ARHGEF19: variants seen among roughly 807,000 people sequenced by gnomAD.
ARHGEF19 encodes the protein Rho guanine nucleotide exchange factor 19.
ARHGEF19 carries 92 observed loss-of-function variants against 87.6 expected under a neutral mutation model. That is an observed-to-expected ratio of 1.05 (90% CI 0.89 to 1.25). ARHGEF19 has a LOEUF of 1.25. ARHGEF19 is among the 50% of genes most tolerant of loss of function. The pLI, the probability that ARHGEF19 is intolerant of heterozygous loss-of-function variation, is 0.00. For missense variants in ARHGEF19, 1,054 were observed against 1,051.8 expected (o/e 1.00, Z -0.03); for synonymous variants, 438 against 446.2 (o/e 0.98, Z 0.23).
At position 16,206,277 on chromosome 1, in the gene ARHGEF19, G is replaced by C; in HGVS notation, c.1201C>G (p.His401Asp). ...YIHSLSVAVG[H>D]FLGSAELSEC... ...CTCAGCTCGGCAGAGCCTAAGAAGTGGCCCACAGCCACCGACAGGCTGTGG... is the reference window on the plus strand; with the variant it reads ...CTCAGCTCGGCAGAGCCTAAGAAGTCGCCCACAGCCACCGACAGGCTGTGG... Residue 401 changes from histidine to aspartate, a missense_variant, in exon 7 of 16, where the codon CAC (histidine) becomes GAC (aspartate). His to Asp is a moderately conservative substitution (Grantham distance 81). Transcript: ENST00000270747. This position sits in a 1 kb window ranked among gnomAD's most constrained non-coding sequence, Gnocchi z 4.6. The C allele has an allele frequency of 6.3e-7, 1 of 1,586,354 alleles. No homozygotes were observed. Among genetic ancestry groups the C allele is most frequent in the Non-Finnish European group, 8.6e-7 (1 of 1,166,820 alleles).
In ARHGEF19 at chr1:16,206,302, G is replaced by C; in HGVS notation, c.1176C>G (p.Ile392Met). The part of the protein sequence containing the change: ...FELITSEASY[I>M]HSLSVAVGHF... ...GGCCCACAGCCACCGACAGGCTGTG[G>C]ATGTAGGAGGCCTCGGAGGTGATCA... is the stretch of plus-strand genomic sequence containing the variant. Residue 392 changes from isoleucine to methionine, a missense_variant, in exon 7 of 16, where the codon ATC becomes ATG. Coordinates refer to ENST00000270747, the MANE Select transcript of ARHGEF19 (RefSeq NM_153213.5). This position sits in a 1 kb window ranked among gnomAD's most constrained non-coding sequence, Gnocchi z 4.6. 1 of 1,582,960 alleles carries C rather than the reference G, an allele frequency of 6.3e-7. No individual in the cohort carries two copies. The highest frequency in any genetic ancestry group is 2.3e-5 in the East Asian group (1 of 43,920).
Position 16,212,534 on chromosome 1 carries a change from C to G in ARHGEF19, c.-62G>C, listed in dbSNP as rs901624012. ...AGGGAGCTCCGTCCAGCTGCCAGCACGGTCCAGGGCTCCGGGACACCCTGG... is the reference window on the plus strand; with the variant it reads ...AGGGAGCTCCGTCCAGCTGCCAGCAGGGTCCAGGGCTCCGGGACACCCTGG... On this transcript the variant is annotated 5_prime_UTR_variant, in exon 1 of 16. Coordinates refer to ENST00000270747, the MANE Select transcript of ARHGEF19 (RefSeq NM_153213.5). 6.6e-6 allele frequency: 1 copy of G among 152,532 alleles called. No homozygotes were observed. The highest frequency in any genetic ancestry group is 2.1e-4 in the South Asian group (1 of 4,830). 9.4% of individuals were successfully genotyped at this position (152,532 alleles called of 1,614,324 possible).
chr1:16,208,027 C>T lies in ARHGEF19; in HGVS notation c.611G>A (p.Arg204Gln). 2 of 1,613,590 alleles carry T rather than the reference C, an allele frequency of 1.2e-6. No individual in the cohort carries two copies. The highest frequency in any genetic ancestry group is 1.7e-6 in the Non-Finnish European group (2 of 1,180,002). The change falls in exon 3 of 16, where the codon CGG becomes CAG. Residue 204 changes from arginine to glutamine, a missense_variant. Transcript: ENST00000270747. ...CCCCAGGCGCAGAGAAGAGTGCAGC[C>T]GGGTCATCAGCTCCGATGCCGAGAA... ...RRFSASELMT[R>Q]LHSSLRLGRN...
intron 1 of ARHGEF19, among the ~76,000 whole-genome samples, chr1:16,211,036 C>T (rs925032740): frequency 1.2e-4 from 18 of 152,286 alleles, no homozygotes; most frequent in Admixed American, 5.2e-4. Flanking sequence ...GTCCTCTCTA[C>T]GGTGGCCACT....
intron 1 of ARHGEF19, among the ~76,000 whole-genome samples, chr1:16,210,687 G>A (rs992418440): frequency 1.3e-5 from 2 of 152,332 alleles, no homozygotes; most frequent in Admixed American, 6.5e-5. Flanking sequence ...AATGAAAACA[G>A]TTACAATCCA....
chr1:16,208,927 G>C lies in ARHGEF19; in HGVS notation c.128C>G (p.Pro43Arg). 6.3e-7 allele frequency: 1 copy of C among 1,584,954 alleles called. No homozygotes were observed. The highest frequency in any genetic ancestry group is 8.6e-7 in the Non-Finnish European group (1 of 1,166,914). Residue 43 changes from proline (P) to arginine (R), a missense_variant, in exon 2 of 16, where the codon CCG (proline) becomes CGG (arginine). Coordinates refer to ENST00000270747, the MANE Select transcript of ARHGEF19 (RefSeq NM_153213.5). ...SFAELPALKP[P>R]SPVCLDLFPV... ...GAAAAGGTCCAGACACACTGGGCTC[G>C]GGGGCTTCAGGGCGGGCAGCTCTGC...
rs1557542184 is a variant in ARHGEF19, at chr1:16,207,735, C to A, written c.737G>T (p.Gly246Val). Residue 246 changes from glycine (G) to valine (V), a missense_variant, in exon 4 of 16, where the codon GGG becomes GTG. Gly to Val is a moderately radical substitution (Grantham distance 109). Coordinates refer to ENST00000270747, the MANE Select transcript of ARHGEF19 (RefSeq NM_153213.5). The surrounding 1 kb of genome is among the most constrained non-coding windows in gnomAD (Gnocchi z 4.0). ...AGGGGCTGGCCGCGACACCCGGTCCCCGCTCATCTCTACACTTCGAGCCTC... is the reference window on the plus strand; with the variant it reads ...AGGGGCTGGCCGCGACACCCGGTCCACGCTCATCTCTACACTTCGAGCCTC... ...GMEARSVEMSGDRVSRPAPGD... is the reference protein window; with the variant it reads ...GMEARSVEMSVDRVSRPAPGD... 6.2e-7 allele frequency: 1 copy of A among 1,614,070 alleles called. No individual in the cohort carries two copies. The highest frequency in any genetic ancestry group is 8.5e-7 in the Non-Finnish European group (1 of 1,180,028).
In ARHGEF19 at chr1:16,206,070, G is replaced by A. The variant is rs1319255339; in HGVS notation, c.1312C>T (p.Leu438=). 1 of 1,581,130 alleles carries A rather than the reference G, an allele frequency of 6.3e-7. No homozygotes were observed. Among genetic ancestry groups the A allele is most frequent in the Non-Finnish European group, 8.6e-7 (1 of 1,163,358 alleles). The change falls in exon 8 of 16, where the codon CTG becomes TTG. Residue 438 remains leucine, a synonymous_variant. Coordinates refer to ENST00000270747, the MANE Select transcript of ARHGEF19 (RefSeq NM_153213.5). The surrounding 1 kb of genome is among the most constrained non-coding windows in gnomAD (Gnocchi z 4.6). Reference sequence around the variant, plus strand: ...ACATCTGCCTCCAGCCGCTGCTCCAGGTCCTGCAGGAACCTGAGGAGTCAG... The same window carrying A: ...ACATCTGCCTCCAGCCGCTGCTCCAAGTCCTGCAGGAACCTGAGGAGTCAG... The part of the protein sequence containing the change: ...KSTSERFLQD[L]EQRLEADVLR...
Position 16,205,230 on chromosome 1 carries a change from C to T in ARHGEF19, c.1657-54G>A. On this transcript the variant is annotated intron_variant, in intron 10 of 15. Transcript: ENST00000270747. The surrounding 1 kb of genome is among the most constrained non-coding windows in gnomAD (Gnocchi z 5.8). ...AGCCCCTCAGCTCCGGCTCCCAGAG[C>T]CCAGCCTCAGACTCTTGCCTGGGGA... 1 of 1,594,248 alleles carries T rather than the reference C, an allele frequency of 6.3e-7. No individual in the cohort carries two copies. The highest frequency in any genetic ancestry group is 8.6e-7 in the Non-Finnish European group (1 of 1,169,014).
Position 16,201,737 on chromosome 1 carries a change from C to T in ARHGEF19, c.2146+45G>A, listed in dbSNP as rs202094944. 86 of 1,593,570 alleles carry T rather than the reference C, an allele frequency of 5.4e-5. No homozygotes were observed. The African/African-American group carries it at 8.3e-4, about 15-fold the overall frequency. Reference sequence around the variant, plus strand: ...CAGGATGGGAGGGGAGGAGAGCGGGCGAGGGTCCAGCCCAGGGATGTAAGC... The same window carrying T: ...CAGGATGGGAGGGGAGGAGAGCGGGTGAGGGTCCAGCCCAGGGATGTAAGC... On this transcript the variant is annotated intron_variant, in intron 14 of 15. Transcript: ENST00000270747.
At chr1:16,209,631 C>T (rs1255753390) in intron 1 of ARHGEF19, among the ~76,000 whole-genome samples, 1 of 152,206 alleles carries the variant, frequency 6.6e-6, no homozygotes, top group African/African-American at 2.4e-5. Context: ...CATTTTTACA[C>T]AACCGCATAC....
In ARHGEF19 at chr1:16,211,397, C is replaced by A. The variant is rs78523729; in HGVS notation, c.-30+1105G>T. Among the ~76,000 whole-genome samples, 16 of 152,328 alleles carry A rather than the reference C, an allele frequency of 1.1e-4. No individual in the cohort carries two copies. In the East Asian group the frequency reaches 2.1e-3, roughly 20 times the overall value. ...CTGCCCCTTTGTATGCTGGGAGATT[C>A]TAGCACTTGGGTTCTGGAAGCTCCT... On this transcript the variant is annotated intron_variant, in intron 1 of 15. Transcript: ENST00000270747.
At chr1:16,209,653 ACTC>A (rs1018053442) in intron 1 of ARHGEF19, among the ~76,000 whole-genome samples, 9 of 152,002 alleles carry the variant, frequency 5.9e-5, no homozygotes, top group South Asian at 4.2e-4. Flanking sequence ...TTCACAGACA[ACTC>A]CTCACAAACA....
Position 16,200,907 on chromosome 1 carries a change from A to C in ARHGEF19, c.2146+875T>G, listed in dbSNP as rs531683655. 7.9e-5 allele frequency among the ~76,000 whole-genome samples: 12 copies of C among 151,844 alleles called. No individual in the cohort carries two copies. In the South Asian group the frequency reaches 2.3e-3, roughly 29 times the overall value. ...CAGAGTAAAACTGTGTCTCCAAAAA[A>C]ATAAATAAATAAAGGCCTCCAATAA... is the stretch of plus-strand genomic sequence containing the variant. On this transcript the variant is annotated intron_variant, in intron 14 of 15. Transcript: ENST00000270747.
Position 16,205,133 on chromosome 1 carries a change from G to C in ARHGEF19, c.1700C>G (p.Thr567Arg). Residue 567 changes from threonine to arginine, a missense_variant, in exon 11 of 16, where the codon ACA becomes AGA. By Grantham distance (71) the Thr-to-Arg change is moderately conservative. Coordinates refer to ENST00000270747, the MANE Select transcript of ARHGEF19 (RefSeq NM_153213.5). The surrounding 1 kb of genome is among the most constrained non-coding windows in gnomAD (Gnocchi z 5.8). The part of the protein sequence containing the change: ...CNASVQSMKR[T>R]EELIHLSKKI... ...CTTGCTCAGGTGGATGAGTTCCTCT[G>C]TCCTCTTCATGGACTGTACACTAGC... 1 of 1,605,902 alleles carries C rather than the reference G, an allele frequency of 6.2e-7. No individual in the cohort carries two copies. Among genetic ancestry groups the C allele is most frequent in the Non-Finnish European group, 8.5e-7 (1 of 1,176,250 alleles).
Position 16,205,330 on chromosome 1 carries a change from C to A in ARHGEF19, c.1656+21G>T. 6.2e-7 allele frequency: 1 copy of A among 1,613,792 alleles called. No homozygotes were observed. The highest frequency in any genetic ancestry group is 8.5e-7 in the Non-Finnish European group (1 of 1,179,838). On this transcript the variant is annotated intron_variant, in intron 10 of 15. Transcript: ENST00000270747. The surrounding 1 kb of genome is among the most constrained non-coding windows in gnomAD (Gnocchi z 5.8). ...AGGGGGGGCCTCAGGAGCCAAGCAG[C>A]CCCTGCCCTGCCCAGCTCACCTCCT...
intron 1 of ARHGEF19, among the ~76,000 whole-genome samples, chr1:16,211,337 G>T (rs1446550161): frequency 6.6e-6 from 1 of 152,164 alleles, no homozygotes; most frequent in Non-Finnish European, 1.5e-5. Context: ...ACTTGCTTCT[G>T]GGGGCACACA....
chr1:16,205,966 G>C lies in ARHGEF19; in HGVS notation c.1416C>G (p.Asn472Lys). The C allele has an allele frequency of 1.9e-6, 3 of 1,611,536 alleles. No homozygotes were observed. Among genetic ancestry groups the C allele is most frequent in the Non-Finnish European group, 2.5e-6 (3 of 1,178,942 alleles). ...GGTAGGTGCGCTCCTGGTAGGCCTG[G>C]TTGGTGACATAGGGCAGGTAGACTC... is the stretch of plus-strand genomic sequence containing the variant. The part of the protein sequence containing the change: ...FRRVYLPYVT[N>K]QAYQERTYQR... The change falls in exon 8 of 16, where the codon AAC becomes AAG. Residue 472 changes from asparagine to lysine, a missense_variant. Physicochemically the swap from Asn to Lys is moderately conservative, Grantham distance 94. Coordinates refer to ENST00000270747, the MANE Select transcript of ARHGEF19 (RefSeq NM_153213.5). This position sits in a 1 kb window ranked among gnomAD's most constrained non-coding sequence, Gnocchi z 5.8.
Position 16,206,241 on chromosome 1 carries a change from C to G in ARHGEF19, c.1237G>C (p.Gly413Arg), listed in dbSNP as rs1261412767. 7.5e-6 allele frequency: 12 copies of G among 1,596,956 alleles called. No homozygotes were observed. Among genetic ancestry groups the G allele is most frequent in the Non-Finnish European group, 9.4e-6 (11 of 1,172,002 alleles). Residue 413 changes from glycine (G) to arginine (R), a missense_variant, in exon 7 of 16, where the codon GGG becomes CGG. Coordinates refer to ENST00000270747, the MANE Select transcript of ARHGEF19 (RefSeq NM_153213.5). The surrounding 1 kb of genome is among the most constrained non-coding windows in gnomAD (Gnocchi z 4.6). Reference sequence around the variant, plus strand: ...AACAGCCACTGCTTGTCCTGCGCCCCCAGACACTCGCTCAGCTCGGCAGAG... The same window carrying G: ...AACAGCCACTGCTTGTCCTGCGCCCGCAGACACTCGCTCAGCTCGGCAGAG... ...LGSAELSECL[G>R]AQDKQWLFSK...
Sources: allele counts gnomAD v4.1 joint callset (sites outside exome capture counted in the v4.1 genomes callset), GRCh38; gene constraint gnomAD v4.1.1; non-coding constraint Gnocchi (gnomAD v3.1); transcripts MANE v1.5; gene names NCBI Gene and HGNC (gene_info 2026-07-23, HGNC 2026-07-21).